Variants in MBNL1 observed in about 807,000 individuals in gnomAD.
MBNL1 encodes the protein muscleblind-like protein 1.
Under a neutral mutation model 42.2 loss-of-function variants are expected in MBNL1, and 8 were observed. That is an observed-to-expected ratio of 0.19 (90% CI 0.11 to 0.34). The LOEUF (loss-of-function observed/expected upper bound fraction) is 0.34, where lower values mean the gene tolerates loss of function less well. MBNL1 is among the 10% of genes least tolerant of loss of function. MBNL1 has a pLI of 1.00. For missense variants in MBNL1, 309 were observed against 495.3 expected (o/e 0.62, Z 3.57); for synonymous variants, 169 against 173.9 (o/e 0.97, Z 0.22).
chr3:152,431,079 C>T (rs188221270), intron 3 of MBNL1, among the ~76,000 whole-genome samples: 2 of 152,214 alleles, frequency 1.3e-5, no homozygotes, highest in African/African-American at 4.8e-5. Context: ...GAGTTTGTTT[C>T]CCAAGCAATT....
intron 2 of MBNL1, among the ~76,000 whole-genome samples, chr3:152,303,666 G>A (rs2061667352): frequency 6.6e-6 from 1 of 151,978 alleles, no homozygotes. Context: ...CTAAAATTTG[G>A]GGAGTCAATG....
At position 152,300,364 on chromosome 3, in the gene MBNL1, G is replaced by C. The variant is rs1190740872; in HGVS notation, c.171G>C (p.Leu57Phe). 6.2e-7 allele frequency: 1 copy of C among 1,612,898 alleles called. No homozygotes were observed. Among genetic ancestry groups the C allele is most frequent in the Non-Finnish European group, 8.5e-7 (1 of 1,179,072 alleles). Residue 57 changes from leucine (L) to phenylalanine (F), a missense_variant, in exon 2 of 10, where the codon TTG becomes TTC. Leu to Phe is a conservative substitution (Grantham distance 22). Coordinates refer to ENST00000324210, the MANE Select transcript of MBNL1 (RefSeq NM_021038.5). ...GAGTAATCGCCTGCTTTGATTCATT[G>C]AAAGTGAGTAACTATTATATTCTTT... The part of the protein sequence containing the change: ...NGRVIACFDS[L>F]KGRCSRENCK...
intron 2 of MBNL1, among the ~76,000 whole-genome samples, chr3:152,410,975 G>C (rs1271301504): frequency 6.6e-6 from 1 of 152,202 alleles, no homozygotes; most frequent in Non-Finnish European, 1.5e-5. Context: ...GAAGAGGAAA[G>C]TAACTAATAT....
chr3:152,406,061 G>A (rs932595993), intron 2 of MBNL1, among the ~76,000 whole-genome samples: 6 of 152,138 alleles, frequency 3.9e-5, no homozygotes, highest in African/African-American at 1.4e-4. Context: ...CAATGATGCT[G>A]GCACCTACCA....
chr3:152,258,668 A>G (rs186880757), intron 2 of MBNL1, among the ~76,000 whole-genome samples: 1 of 152,372 alleles, frequency 6.6e-6, no homozygotes, highest in East Asian at 1.9e-4. Flanking sequence ...TCTGTTGCCA[A>G]TAACCCCAAA....
intron 5 of MBNL1, among the ~76,000 whole-genome samples, chr3:152,447,115 T>TTA (rs1397233945): frequency 6.6e-6 from 1 of 152,200 alleles, no homozygotes; most frequent in Non-Finnish European, 1.5e-5. Flanking sequence ...ATTTTAATAT[T>TTA]TATAGTTCAG....
In MBNL1 at chr3:152,446,256, G is replaced by A. The variant is rs76941443; in HGVS notation, c.807+717G>A. Among the ~76,000 whole-genome samples the A allele has an allele frequency of 6.5e-3, 985 of 151,998 alleles. 7 individuals carry two copies. The highest frequency in any genetic ancestry group is 0.011 in the Non-Finnish European group (723 of 67,950). On this transcript the variant is annotated intron_variant, in intron 5 of 9. Transcript: ENST00000324210. ...TTGTTCTTTGCTTACCTGTTTTAAT[G>A]TTGTCATTTTTTTACATAAATATAT...
At chr3:152,293,969 A>G (rs2057370892) in intron 1 of MBNL1, among the ~76,000 whole-genome samples, 1 of 151,750 alleles carries the variant, frequency 6.6e-6, no homozygotes, top group South Asian at 2.1e-4. Context: ...ATATATATAT[A>G]TGTAATTTTT....
intron 3 of MBNL1, among the ~76,000 whole-genome samples, chr3:152,425,706 G>C (rs577160717): frequency 1.3e-5 from 2 of 152,168 alleles, no homozygotes; most frequent in East Asian, 1.9e-4. Context: ...GGGAACAACA[G>C]ATGCTGATGA....
intron 1 of MBNL1, among the ~76,000 whole-genome samples, chr3:152,290,058 TCA>T (rs2054978832): frequency 6.6e-6 from 1 of 152,080 alleles, no homozygotes; most frequent in Non-Finnish European, 1.5e-5. Flanking sequence ...AATAGTTAAA[TCA>T]CATATTTTGG....
intron 2 of MBNL1, among the ~76,000 whole-genome samples, chr3:152,307,158 T>A (rs2063605692): frequency 6.6e-6 from 1 of 152,072 alleles, no homozygotes; most frequent in African/African-American, 2.4e-5. Flanking sequence ...CCCAGCTAAT[T>A]TTTGCATTTT....
At chr3:152,453,125 T>G (rs983134996) in intron 6 of MBNL1, among the ~76,000 whole-genome samples, 2 of 152,070 alleles carry the variant, frequency 1.3e-5, no homozygotes, top group Non-Finnish European at 2.9e-5. Context: ...ATTGTTAACT[T>G]TTAGTCTTAA....
At chr3:152,310,912 T>G in intron 2 of MBNL1, among the ~76,000 whole-genome samples, 1 of 151,990 alleles carries the variant, frequency 6.6e-6, no homozygotes, top group Admixed American at 6.5e-5. Context: ...GTGTTTCATT[T>G]CATAACTTTT....
chr3:152,282,930 A>T (rs1405697923), intron 1 of MBNL1, among the ~76,000 whole-genome samples: 1 of 152,226 alleles, frequency 6.6e-6, no homozygotes, highest in East Asian at 1.9e-4. Context: ...TCAGGCCAGT[A>T]CAGGAGGCTC....
intron 2 of MBNL1, among the ~76,000 whole-genome samples, chr3:152,387,630 T>C (rs1055121405): frequency 1.3e-5 from 2 of 152,164 alleles, no homozygotes; most frequent in South Asian, 2.1e-4. Flanking sequence ...TACTGTGTTT[T>C]TGGATTTTTG....
intron 2 of MBNL1, chr3:152,338,276 A>G (rs528624661): frequency 1.4e-4 from 141 of 985,244 alleles, no homozygotes; most frequent in South Asian, 1.2e-3. Context: ...CTCTGTGCCA[A>G]TTGTTCCTCT....
chr3:152,364,797 T>C (rs2096251659), intron 2 of MBNL1, among the ~76,000 whole-genome samples: 1 of 151,914 alleles, frequency 6.6e-6, no homozygotes, highest in Non-Finnish European at 1.5e-5. Flanking sequence ...TTCAAAAGAA[T>C]AGGGAGTAAA....
At chr3:152,340,641 G>A (rs1023952470) in intron 2 of MBNL1, 4 of 1,613,998 alleles carry the variant, frequency 2.5e-6, no homozygotes, top group Admixed American at 1.7e-5. Context: ...ACCCACAAGC[G>A]TAAATGTTCC....
chr3:152,351,404 C>G (rs1193628292), intron 2 of MBNL1, among the ~76,000 whole-genome samples: 2 of 152,112 alleles, frequency 1.3e-5, no homozygotes, highest in Non-Finnish European at 2.9e-5. Flanking sequence ...TAACTCTAAG[C>G]AAAAGTTAAC....
Sources: allele counts gnomAD v4.1 joint callset (sites outside exome capture counted in the v4.1 genomes callset), GRCh38; gene constraint gnomAD v4.1.1; transcripts MANE v1.5; gene names NCBI Gene and HGNC (gene_info 2026-07-23, HGNC 2026-07-21).